The following ESRRG variants were observed in gnomAD, a reference collection of about 807,000 sequenced individuals.
ESRRG encodes estrogen-related receptor gamma.
A neutral mutation model predicts 44.0 loss-of-function variants in ESRRG; 13 were observed. That is an observed-to-expected ratio of 0.30 (90% CI 0.19 to 0.47). The LOEUF (loss-of-function observed/expected upper bound fraction) is 0.47. ESRRG is among the 20% of genes least tolerant of loss of function. The pLI, the probability that ESRRG is intolerant of heterozygous loss-of-function variation, is 1.00. For missense variants in ESRRG, 395 were observed against 580.6 expected (o/e 0.68, Z 3.29); for synonymous variants, 215 against 214.6 (o/e 1.00, Z -0.02).
At chr1:216,854,454 T>C (rs1486059168) in intron 2 of ESRRG, among the ~76,000 whole-genome samples, 4 of 151,342 alleles carry the variant, frequency 2.6e-5, no homozygotes, top group South Asian at 2.1e-4. Context: ...CAGGGAGTTG[T>C]CTTATCCATT....
chr1:216,984,680 A>G (rs2074571495), intron 1 of ESRRG, among the ~76,000 whole-genome samples: 2 of 152,200 alleles, frequency 1.3e-5, no homozygotes, highest in African/African-American at 2.4e-5. Flanking sequence ...TCTAGGCTAC[A>G]TGCTAGAGAA....
intron 3 of ESRRG, among the ~76,000 whole-genome samples, chr1:216,606,135 C>A (rs1366790961): frequency 1.3e-5 from 2 of 152,200 alleles, no homozygotes; most frequent in Admixed American, 1.3e-4. Flanking sequence ...ACTGCCCACC[C>A]CCAACCCCAA....
At position 216,621,539 on chromosome 1, in the gene ESRRG, C is replaced by T. The variant is rs555772122; in HGVS notation, c.589+29434G>A. Among the ~76,000 whole-genome samples the T allele has an allele frequency of 4.6e-5, 7 of 152,262 alleles. 1 individual carries two copies. Among genetic ancestry groups the T allele is most frequent in the African/African-American group, 1.7e-4 (7 of 41,564 alleles). On this transcript the variant is annotated intron_variant, in intron 3 of 6. Transcript: ENST00000408911. Reference sequence around the variant, plus strand: ...GAAGAAAGGATTCCTTCTGATACTCCTCATCTCTAGTCAACATCTCAAGTT... The same window carrying T: ...GAAGAAAGGATTCCTTCTGATACTCTTCATCTCTAGTCAACATCTCAAGTT...
At chr1:216,779,601 C>T (rs1375594651) in intron 2 of ESRRG, among the ~76,000 whole-genome samples, 2 of 119,702 alleles carry the variant, frequency 1.7e-5, no homozygotes, top group East Asian at 4.6e-4. Flanking sequence ...TATCCTAATG[C>T]AGTCTGCCTT....
chr1:216,653,128 C>T (rs1411730802), intron 2 of ESRRG, among the ~76,000 whole-genome samples: 2 of 152,172 alleles, frequency 1.3e-5, no homozygotes, highest in Non-Finnish European at 2.9e-5. Context: ...CAGGATGATC[C>T]ACTGCCACAA....
chr1:217,045,223 A>T (rs1257257648), intron 1 of ESRRG, among the ~76,000 whole-genome samples: 1 of 152,216 alleles, frequency 6.6e-6, no homozygotes, highest in African/African-American at 2.4e-5. Context: ...AACCACATTA[A>T]TATAGGAGGA....
chr1:216,948,476 CAAAAAA>C (rs5780948), intron 1 of ESRRG, among the ~76,000 whole-genome samples: 1 of 103,394 alleles, frequency 9.7e-6, no homozygotes, highest in Non-Finnish European at 2.0e-5. Context: ...GACTCCATCT[CAAAAAA>C]AAAAAAAAAA....
chr1:216,673,183 C>T (rs904895398), intron 2 of ESRRG, among the ~76,000 whole-genome samples: 2 of 152,170 alleles, frequency 1.3e-5, no homozygotes, highest in Non-Finnish European at 2.9e-5. Context: ...GCAGCTTCAG[C>T]ATTGGAATAA....
At chr1:216,997,025 A>C (rs891998196) in intron 1 of ESRRG, among the ~76,000 whole-genome samples, 5 of 152,376 alleles carry the variant, frequency 3.3e-5, no homozygotes, top group Non-Finnish European at 7.3e-5. Flanking sequence ...CAATAGAATT[A>C]GATGACATTA....
chr1:217,048,140 T>C (rs1304597620), intron 1 of ESRRG, among the ~76,000 whole-genome samples: 1 of 152,034 alleles, frequency 6.6e-6, no homozygotes, highest in Non-Finnish European at 1.5e-5. Flanking sequence ...AGAGAGTAAG[T>C]GTAAGGGTAG....
At chr1:217,094,624 G>A (rs1036970772), upstream of ESRRG, among the ~76,000 whole-genome samples, 1 of 152,238 alleles carries the variant, frequency 6.6e-6, no homozygotes, top group South Asian at 2.1e-4. Flanking sequence ...CATCTGAGTT[G>A]TATTTCTAAA....
chr1:216,748,527 A>C (rs992897952), intron 2 of ESRRG, among the ~76,000 whole-genome samples: 1 of 152,144 alleles, frequency 6.6e-6, no homozygotes, highest in Non-Finnish European at 1.5e-5. Context: ...TGTCCACCTT[A>C]ATGCAGATTT....
intron 1 of ESRRG, among the ~76,000 whole-genome samples, chr1:216,952,319 T>C (rs985055830): frequency 6.6e-5 from 10 of 152,114 alleles, no homozygotes; most frequent in African/African-American, 2.2e-4. Context: ...GTAGAAGAGA[T>C]AGTGGCCCTC....
intron 1 of ESRRG, among the ~76,000 whole-genome samples, chr1:216,984,007 G>T (rs1216260477): frequency 6.9e-6 from 1 of 145,968 alleles, no homozygotes; most frequent in Non-Finnish European, 1.5e-5. Context: ...TCTAAATATA[G>T]GGTCATGGTG....
chr1:216,517,482 C>A (rs1019550892), intron 6 of ESRRG, among the ~76,000 whole-genome samples: 1 of 152,150 alleles, frequency 6.6e-6, no homozygotes, highest in Admixed American at 6.5e-5. Flanking sequence ...CATTGCTCAG[C>A]ATTCATGGTT....
chr1:216,998,588 G>A (rs2076653413), intron 1 of ESRRG, among the ~76,000 whole-genome samples: 1 of 152,040 alleles, frequency 6.6e-6, no homozygotes, highest in Non-Finnish European at 1.5e-5. Context: ...TTAGCATTTT[G>A]CTTACATTTT....
intron 1 of ESRRG, among the ~76,000 whole-genome samples, chr1:217,004,920 C>A (rs2077527232): frequency 6.6e-6 from 1 of 152,024 alleles, no homozygotes; most frequent in Non-Finnish European, 1.5e-5. Flanking sequence ...CACTTGATAC[C>A]TTTTAGTGGT....
chr1:216,789,185 A>G (rs117662532), intron 2 of ESRRG, among the ~76,000 whole-genome samples: 1 of 152,292 alleles, frequency 6.6e-6, no homozygotes, highest in African/African-American at 2.4e-5. Context: ...ATCAAGAAGC[A>G]TTGCATGCAA....
chr1:217,011,943 C>A (rs1254810933), intron 1 of ESRRG, among the ~76,000 whole-genome samples: 3 of 152,144 alleles, frequency 2.0e-5, no homozygotes, highest in Non-Finnish European at 4.4e-5. Flanking sequence ...GCTTGTACCC[C>A]CTCTGCAGGA....
Sources: allele counts gnomAD v4.1 joint callset (sites outside exome capture counted in the v4.1 genomes callset), GRCh38; gene constraint gnomAD v4.1.1; transcripts MANE v1.5; gene names NCBI Gene and HGNC (gene_info 2026-07-23, HGNC 2026-07-21).